Variants in FEV observed in about 807,000 individuals in gnomAD.
The protein encoded by FEV is protein FEV.
In FEV, 14 loss-of-function variants were observed where a neutral mutation model predicts 20.5. The observed-to-expected ratio is 0.68, with a 90% CI of 0.45 to 1.07. The LOEUF (loss-of-function observed/expected upper bound fraction) is 1.07, where lower values mean the gene tolerates loss of function less well. FEV is among the 50% of genes least tolerant of loss of function. The pLI is 0.00. For missense variants in FEV, 301 were observed against 345.3 expected (o/e 0.87, Z 1.02); for synonymous variants, 188 against 163.7 (o/e 1.15, Z -1.13).
chr2:218,981,784 GGGGCCC>G lies in FEV; in HGVS notation c.594_599del (p.Gly199_Pro200del). 7.9e-7 allele frequency: 1 copy of G among 1,264,316 alleles called. No homozygotes were observed. Among genetic ancestry groups the G allele is most frequent in the East Asian group, 3.2e-5 (1 of 31,688 alleles). 78.3% of individuals were successfully genotyped at this position (1,264,316 alleles called of 1,614,324 possible). ...CGGTGGCGGCGGCAGCGGTGGCGGCGGGGCCCGGGCCCGGCCAGTAGGAGAAGCCGG... is the reference window on the plus strand; with the variant it reads ...CGGTGGCGGCGGCAGCGGTGGCGGCGGGGCCCGGCCAGTAGGAGAAGCCGG... On this transcript the variant is annotated inframe_deletion, in exon 3 of 3. Coordinates refer to ENST00000295727, the MANE Select transcript of FEV (RefSeq NM_017521.3). The surrounding 1 kb of genome is among the most constrained non-coding windows in gnomAD (Gnocchi z 4.5).
In FEV at chr2:218,981,447, C is replaced by T. The variant is rs376093959; in HGVS notation, c.*220G>A. ...AAAAAAAGTGAAAGAGGGCGCACAT[C>T]GCCCTCCTCAGGGGACTGCGGGGTG... On this transcript the variant is annotated 3_prime_UTR_variant, in exon 3 of 3. Coordinates refer to ENST00000295727, the MANE Select transcript of FEV (RefSeq NM_017521.3). The surrounding 1 kb of genome is among the most constrained non-coding windows in gnomAD (Gnocchi z 4.5). 2.5e-6 allele frequency: 1 copy of T among 396,866 alleles called. No individual in the cohort carries two copies. The highest frequency in any genetic ancestry group is 4.4e-6 in the Non-Finnish European group (1 of 227,520). 24.6% of individuals were successfully genotyped at this position (396,866 alleles called of 1,614,324 possible). A position where few individuals can be genotyped will look rare whatever the true frequency, so the allele number is the denominator to read the frequency against.
chr2:218,984,171 C>A lies in FEV; in HGVS notation c.127+60G>T. 1 of 1,508,230 alleles carries A rather than the reference C, an allele frequency of 6.6e-7. No homozygotes were observed. Among genetic ancestry groups the A allele is most frequent in the South Asian group, 1.2e-5 (1 of 82,470 alleles). The allele number at this position is 1,508,230 out of a possible 1,614,324, so 93.4% of individuals were successfully genotyped here. On this transcript the variant is annotated intron_variant, in intron 2 of 2. Coordinates refer to ENST00000295727, the MANE Select transcript of FEV (RefSeq NM_017521.3). This position sits in a 1 kb window ranked among gnomAD's most constrained non-coding sequence, Gnocchi z 5.0. ...GTCCACACTGCTCCCACCTACTGTC[C>A]GCCTGTGCCCTGACCCCAACCAACC...
In FEV at chr2:218,984,399, G is replaced by C. The variant is rs1945419716; in HGVS notation, c.53-94C>G. On this transcript the variant is annotated intron_variant, in intron 1 of 2. Coordinates refer to ENST00000295727, the MANE Select transcript of FEV (RefSeq NM_017521.3). The surrounding 1 kb of genome is among the most constrained non-coding windows in gnomAD (Gnocchi z 5.0). ...CGGGCCAAGGCTTAAGGGGGGTGCT[G>C]TGGTCCCCAGGCGCGAGGCTGGGGG... is the stretch of plus-strand genomic sequence containing the variant. 1 of 1,242,346 alleles carries C rather than the reference G, an allele frequency of 8.0e-7. No individual in the cohort carries two copies. The allele number at this position is 1,242,346 out of a possible 1,614,324, so 77.0% of individuals were successfully genotyped here.
chr2:218,984,206 C>T lies in FEV; in HGVS notation c.127+25G>A. ...CTGACCCCAACCAACCTCGCCTCCG[C>T]CGCCCAGCGCGCCGGCCATCTCACC... On this transcript the variant is annotated intron_variant, in intron 2 of 2. Transcript: ENST00000295727. This position sits in a 1 kb window ranked among gnomAD's most constrained non-coding sequence, Gnocchi z 5.0. 6.4e-7 allele frequency: 1 copy of T among 1,569,260 alleles called. No individual in the cohort carries two copies. The highest frequency in any genetic ancestry group is 8.6e-7 in the Non-Finnish European group (1 of 1,157,098).
At chr2:218,983,984 C>T (rs1001548966) in intron 2 of FEV, among the ~76,000 whole-genome samples, 1 of 152,218 alleles carries the variant, frequency 6.6e-6, no homozygotes, top group Admixed American at 6.5e-5. Context: ...GAAAACCATA[C>T]ACAGCAGCAA....
chr2:218,983,861 T>C (rs1428043185), intron 2 of FEV, among the ~76,000 whole-genome samples: 2 of 152,144 alleles, frequency 1.3e-5, no homozygotes, highest in Non-Finnish European at 2.9e-5. Context: ...GGAAGCCCGC[T>C]GTGTTTGGGG....
Position 218,981,748 on chromosome 2 carries a change from G to T in FEV, c.636C>A (p.Tyr212Ter). Reference protein sequence around the residue: ...ATAAAATAALYPSPSLQPPPG... With the variant: ...ATAAAATAAL ...GCGGGGGCTGCAAGCTGGGACTGGG[G>T]TAGAGCGCGGCGGTGGCGGCGGCAG... is the stretch of plus-strand genomic sequence containing the variant. The change falls in exon 3 of 3, where the codon TAC becomes TAA. Residue 212 changes from tyrosine to a stop codon, truncating the protein, a stop_gained. Coordinates refer to ENST00000295727, the MANE Select transcript of FEV (RefSeq NM_017521.3). LOFTEE classifies it high-confidence loss of function. This position sits in a 1 kb window ranked among gnomAD's most constrained non-coding sequence, Gnocchi z 4.5. 1 of 1,297,236 alleles carries T rather than the reference G, an allele frequency of 7.7e-7. No individual in the cohort carries two copies. The highest frequency in any genetic ancestry group is 9.7e-7 in the Non-Finnish European group (1 of 1,030,866). The allele number at this position is 1,297,236 out of a possible 1,614,324, so 80.4% of individuals were successfully genotyped here.
intron 2 of FEV, among the ~76,000 whole-genome samples, chr2:218,983,571 T>C (rs1029542819): frequency 2.2e-4 from 34 of 152,314 alleles, no homozygotes; most frequent in African/African-American, 7.7e-4. Flanking sequence ...ACCGTTCCTG[T>C]TGGGCATAGT....
chr2:218,983,244 T>G lies in FEV; in HGVS notation c.127+987A>C, dbSNP rs146619343. Among the ~76,000 whole-genome samples, 584 of 152,274 alleles carry G rather than the reference T, an allele frequency of 3.8e-3. 3 individuals carry two copies. The highest frequency in any genetic ancestry group is 5.1e-3 in the Non-Finnish European group (350 of 68,028). ...ATTCCTGCTCCCCTGTCTTGGAGCC[T>G]CAAGCAGACAGGCAGAGAAAAATCC... is the stretch of plus-strand genomic sequence containing the variant. On this transcript the variant is annotated intron_variant, in intron 2 of 2. Transcript: ENST00000295727.
At position 218,981,525 on chromosome 2, in the gene FEV, C is replaced by A. The variant is rs1000192283; in HGVS notation, c.*142G>T. On this transcript the variant is annotated 3_prime_UTR_variant, in exon 3 of 3. Coordinates refer to ENST00000295727, the MANE Select transcript of FEV (RefSeq NM_017521.3). The surrounding 1 kb of genome is among the most constrained non-coding windows in gnomAD (Gnocchi z 4.5). ...AGGATTGAGGGAGCTTCGGTCCCGT[C>A]CCCCTGCTAAGTGCGGCAGGTGGAG... 6.8e-5 allele frequency: 42 copies of A among 618,088 alleles called. No individual in the cohort carries two copies. Among genetic ancestry groups the A allele is most frequent in the Non-Finnish European group, 9.1e-5 (39 of 428,412 alleles). The allele number at this position is 618,088 out of a possible 1,614,324, so 38.3% of individuals were successfully genotyped here. A position where few individuals can be genotyped will look rare whatever the true frequency, so the allele number is the denominator to read the frequency against.
rs566865320 is a variant in FEV, at chr2:218,983,550, C to G, written c.127+681G>C. On this transcript the variant is annotated intron_variant, in intron 2 of 2. Coordinates refer to ENST00000295727, the MANE Select transcript of FEV (RefSeq NM_017521.3). ...GGCACCAAAGGCGGAGCAACCTCAG[C>G]GGCTTGGATGACCGTTCCTGTTGGG... Among the ~76,000 whole-genome samples, 3 of 152,302 alleles carry G rather than the reference C, an allele frequency of 2.0e-5. No individual in the cohort carries two copies. The East Asian group carries it at 5.8e-4, about 29-fold the overall frequency.
intron 2 of FEV, 67 bp from the exon 3 acceptor site, chr2:218,982,323 C>T (rs1187800564): frequency 3.8e-5 from 53 of 1,404,522 alleles, no homozygotes; most frequent in Non-Finnish European, 4.9e-5. Context: ...AGAGTGCTGG[C>T]GGGAAACTGA....
chr2:218,981,975 G>C lies in FEV; in HGVS notation c.409C>G (p.Pro137Ala), dbSNP rs764000948. The change falls in exon 3 of 3, where the codon CCG becomes GCG. Residue 137 changes from proline to alanine, a missense_variant. Pro to Ala is a conservative substitution (Grantham distance 27). Transcript: ENST00000295727. The surrounding 1 kb of genome is among the most constrained non-coding windows in gnomAD (Gnocchi z 4.5). Reference protein sequence around the residue: ...DFQGLAQACQPPPAHAHAAAA... With the variant: ...DFQGLAQACQAPPAHAHAAAA... ...GCGGCATGAGCGTGCGCGGGCGGCG[G>C]CTGGCAGGCCTGCGCCAGGCCCTGG... The C allele has an allele frequency of 6.4e-7, 1 of 1,567,880 alleles. No individual in the cohort carries two copies. Among genetic ancestry groups the C allele is most frequent in the African/African-American group, 1.4e-5 (1 of 71,022 alleles).
Position 218,984,929 on chromosome 2 carries a change from C to T in FEV, c.52+95G>A, listed in dbSNP as rs1574488487. On this transcript the variant is annotated intron_variant, in intron 1 of 2. Coordinates refer to ENST00000295727, the MANE Select transcript of FEV (RefSeq NM_017521.3). This position sits in a 1 kb window ranked among gnomAD's most constrained non-coding sequence, Gnocchi z 5.0. The stretch of plus-strand genomic sequence containing the variant: ...GCAACCCGAATCTCCGGACACTTCT[C>T]CTTCCCCTGGACCCCAGCACTCTCT... The T allele has an allele frequency of 8.5e-7, 1 of 1,181,794 alleles. No homozygotes were observed. The highest frequency in any genetic ancestry group is 1.2e-6 in the Non-Finnish European group (1 of 812,252). 73.2% of individuals were successfully genotyped at this position (1,181,794 alleles called of 1,614,324 possible).
In FEV at chr2:218,984,321, G is replaced by C. The variant is rs986975006; in HGVS notation, c.53-16C>G. The C allele has an allele frequency of 6.3e-7, 1 of 1,580,110 alleles. No individual in the cohort carries two copies. Among genetic ancestry groups the C allele is most frequent in the African/African-American group, 1.3e-5 (1 of 74,180 alleles). On this transcript the variant is annotated splice_polypyrimidine_tract_variant and intron_variant, in intron 1 of 2. Transcript: ENST00000295727. This position sits in a 1 kb window ranked among gnomAD's most constrained non-coding sequence, Gnocchi z 5.0. ...CCGACGGGATCTGCAAGCAGCAGAAGAAAAGAATCAGGAGAACCCCGGGCG... is the reference window on the plus strand; with the variant it reads ...CCGACGGGATCTGCAAGCAGCAGAACAAAAGAATCAGGAGAACCCCGGGCG...
chr2:218,983,365 C>CTTTTTTTTTTTTTTTTTTTTTTTTTTTT (rs1559099849), intron 2 of FEV, among the ~76,000 whole-genome samples: 1 of 152,178 alleles, frequency 6.6e-6, no homozygotes, highest in African/African-American at 2.4e-5. Context: ...ACCCCTCTTA[C>CTTTTTTTTTTTTTTTTTTTTTTTTTTTT]TTTTTCAGCC....
chr2:218,984,159 C>A lies in FEV; in HGVS notation c.127+72G>T. The A allele has an allele frequency of 6.8e-7, 1 of 1,460,992 alleles. No homozygotes were observed. 90.5% of individuals were successfully genotyped at this position (1,460,992 alleles called of 1,614,324 possible). On this transcript the variant is annotated intron_variant, in intron 2 of 2. Coordinates refer to ENST00000295727, the MANE Select transcript of FEV (RefSeq NM_017521.3). This position sits in a 1 kb window ranked among gnomAD's most constrained non-coding sequence, Gnocchi z 5.0. ...TGTGAACCCTGGGTCCACACTGCTC[C>A]CACCTACTGTCCGCCTGTGCCCTGA...
At position 218,984,276 on chromosome 2, in the gene FEV, C is replaced by T. The variant is rs766193353; in HGVS notation, c.82G>A (p.Gly28Arg). Residue 28 changes from glycine to arginine, a missense_variant, in exon 2 of 3, where the codon GGG (glycine) becomes AGG (arginine). Gly to Arg is a moderately radical substitution (Grantham distance 125). Coordinates refer to ENST00000295727, the MANE Select transcript of FEV (RefSeq NM_017521.3). The surrounding 1 kb of genome is among the most constrained non-coding windows in gnomAD (Gnocchi z 5.0). ...AGCGGCCCCCAGCTCGGGTTCTTCCCGTCCTTGAAGAGACCGTCTCCGACG... is the reference window on the plus strand; with the variant it reads ...AGCGGCCCCCAGCTCGGGTTCTTCCTGTCCTTGAAGAGACCGTCTCCGACG... ...DPVGDGLFKDGKNPSWGPLSP... is the reference protein window; with the variant it reads ...DPVGDGLFKDRKNPSWGPLSP... 1 of 1,602,464 alleles carries T rather than the reference C, an allele frequency of 6.2e-7. No homozygotes were observed. Among genetic ancestry groups the T allele is most frequent in the South Asian group, 1.1e-5 (1 of 89,068 alleles).
In FEV at chr2:218,982,647, G is replaced by A. The variant is rs1013316545; in HGVS notation, c.128-391C>T. ...CCGCCGCCACTCTCCATCTCAGCCG[G>A]GCGCCCTTATTTAGGGAAAAGACGC... On this transcript the variant is annotated intron_variant, in intron 2 of 2. Coordinates refer to ENST00000295727, the MANE Select transcript of FEV (RefSeq NM_017521.3). Among the ~76,000 whole-genome samples, 17 of 152,200 alleles carry A rather than the reference G, an allele frequency of 1.1e-4. 1 individual carries two copies.
Sources: gnomAD v4.1 joint callset for allele counts (sites outside exome capture counted in the v4.1 genomes callset) on GRCh38, gnomAD v4.1.1 for gene constraint, Gnocchi (gnomAD v3.1) non-coding constraint, MANE v1.5 for transcripts, NCBI Gene and HGNC (gene_info 2026-07-23, HGNC 2026-07-21) for gene names.